The following A1CF variants were observed in gnomAD, a reference collection of about 807,000 sequenced individuals.
The protein encoded by A1CF is APOBEC-1 stimulating protein.
A1CF carries 48 observed loss-of-function variants against 68.9 expected under a neutral mutation model. That is an observed-to-expected ratio of 0.70 (90% confidence interval 0.55 to 0.89). A1CF has a LOEUF of 0.89. Ranked by LOEUF, A1CF falls within the 40% of genes least tolerant of loss-of-function variation. A1CF has a pLI of 0.00. For synonymous variants in A1CF, 272 were observed against 260.4 expected, an observed-to-expected ratio of 1.04 and a Z score of -0.43; for missense variants, 653 against 718.9, an observed-to-expected ratio of 0.91 and a Z score of 1.05.
chr10:50,848,446 T>G (rs1840095100), intron 3 of A1CF, among the ~76,000 whole-genome samples: 1 of 152,220 alleles, frequency 6.6e-6, no homozygotes, highest in Admixed American at 6.5e-5. Flanking sequence ...TCATAAATCC[T>G]CATGTTGTGT....
chr10:50,859,103 G>A (rs1248913782), intron 3 of A1CF, among the ~76,000 whole-genome samples: 2 of 152,268 alleles, frequency 1.3e-5, no homozygotes, highest in Middle Eastern at 6.8e-3. Context: ...AAGTATGTGA[G>A]TGAAAGAAAA....
intron 6 of A1CF, among the ~76,000 whole-genome samples, chr10:50,830,026 C>T (rs1839164350): frequency 1.3e-5 from 2 of 152,110 alleles, no homozygotes; most frequent in Non-Finnish European, 2.9e-5. Context: ...TATGCATCAC[C>T]TCAATACTTT....
intron 3 of A1CF, among the ~76,000 whole-genome samples, chr10:50,845,882 A>T (rs1839975975): frequency 6.6e-6 from 1 of 151,984 alleles, no homozygotes; most frequent in Non-Finnish European, 1.5e-5. Flanking sequence ...TGAACCCAGG[A>T]AGTAGAGGTT....
intron 2 of A1CF, among the ~76,000 whole-genome samples, chr10:50,863,181 A>G (rs926647531): frequency 6.6e-6 from 1 of 152,192 alleles, no homozygotes; most frequent in African/African-American, 2.4e-5. Flanking sequence ...AAAATTCAAA[A>G]TTTGTCATGA....
chr10:50,836,175 A>G lies in A1CF; in HGVS notation c.503T>C (p.Val168Ala), dbSNP rs763376487. ...KVTEGVVDVIVYPSAADKTKN... is the reference protein window; with the variant it reads ...KVTEGVVDVIAYPSAADKTKN... ...GGTTTTATCTGCAGCGCTTGGGTAGACGATGACATCGACAACACCTTCAGT... is the reference window on the plus strand; with the variant it reads ...GGTTTTATCTGCAGCGCTTGGGTAGGCGATGACATCGACAACACCTTCAGT... The change falls in exon 6 of 13, where the codon GTC (valine) becomes GCC (alanine). Residue 168 changes from valine to alanine, a missense_variant. Coordinates refer to ENST00000373997, the MANE Select transcript of A1CF (RefSeq NM_014576.4). 4 of 1,613,898 alleles carry G rather than the reference A, an allele frequency of 2.5e-6. No individual in the cohort carries two copies. In the African/African-American group the frequency reaches 5.3e-5, roughly 22 times the overall value.
chr10:50,828,447 A>C, intron 6 of A1CF, 152 bp from the exon 7 acceptor site: 1 of 509,158 alleles, frequency 2.0e-6, no homozygotes, highest in Non-Finnish European at 3.3e-6. Context: ...ATCTTAAGAG[A>C]CATTCCAAGT....
intron 3 of A1CF, chr10:50,850,628 G>A (rs749559588): frequency 6.2e-7 from 1 of 1,613,406 alleles, no homozygotes; most frequent in South Asian, 1.1e-5. Context: ...AAGAGAACGA[G>A]TAAAATGCCA....
intron 5 of A1CF, among the ~76,000 whole-genome samples, chr10:50,836,529 G>A (rs1440057931): frequency 6.6e-6 from 1 of 152,110 alleles, no homozygotes; most frequent in East Asian, 1.9e-4. Context: ...AAGCTGAGTA[G>A]CATCTGCTTT....
chr10:50,835,505 G>A (rs1024311835), intron 6 of A1CF, among the ~76,000 whole-genome samples: 1 of 152,138 alleles, frequency 6.6e-6, no homozygotes, highest in Non-Finnish European at 1.5e-5. Flanking sequence ...CAGTGTTGGG[G>A]TGGATAGAGA....
chr10:50,809,013 A>G (rs1362272573), intron 12 of A1CF, among the ~76,000 whole-genome samples: 1 of 144,374 alleles, frequency 6.9e-6, no homozygotes, highest in Non-Finnish European at 1.5e-5. Context: ...ATCTTTTACT[A>G]AAAAAAAAAA....
rs966952813 is a variant in A1CF, at chr10:50,799,495, C to G, written c.*7234G>C. 2.6e-5 allele frequency: 4 copies of G among 152,118 alleles called. No homozygotes were observed. Among genetic ancestry groups the G allele is most frequent in the African/African-American group, 9.7e-5 (4 of 41,434 alleles). 9.4% of individuals were successfully genotyped at this position (152,118 alleles called of 1,614,324 possible). ...CAGGAATTATACAATATTGCATTGT[C>G]TCTCATTTCATGTGATTTATGATTC... On this transcript the variant is annotated 3_prime_UTR_variant, in exon 13 of 13. Coordinates refer to ENST00000373997, the MANE Select transcript of A1CF (RefSeq NM_014576.4).
At chr10:50,863,149 T>C (rs570019899) in intron 2 of A1CF, among the ~76,000 whole-genome samples, 1 of 152,204 alleles carries the variant, frequency 6.6e-6, no homozygotes, top group Non-Finnish European at 1.5e-5. Flanking sequence ...TGTCAAGTCA[T>C]TGGGAATCAG....
chr10:50,815,821 A>G (rs1349552358), intron 9 of A1CF, among the ~76,000 whole-genome samples, 185 bp downstream of exon 9: 1 of 152,236 alleles, frequency 6.6e-6, no homozygotes, highest in East Asian at 1.9e-4. Context: ...CGTTTTTTCA[A>G]TAACCAGTTG....
chr10:50,865,695 C>T (rs560858684), intron 1 of A1CF, among the ~76,000 whole-genome samples: 2 of 152,250 alleles, frequency 1.3e-5, no homozygotes, highest in South Asian at 4.1e-4. Flanking sequence ...CTTCCCATGC[C>T]TCCTAACTTT....
At chr10:50,826,849 A>G (rs1239703977) in intron 7 of A1CF, among the ~76,000 whole-genome samples, 1 of 151,810 alleles carries the variant, frequency 6.6e-6, no homozygotes, top group Non-Finnish European at 1.5e-5. Context: ...AATTGGATAA[A>G]GAGTCAAGAC....
chr10:50,850,577 G>T, intron 3 of A1CF: 2 of 1,524,696 alleles, frequency 1.3e-6, no homozygotes, highest in Non-Finnish European at 1.8e-6. Context: ...TTCAAAATTA[G>T]AAAACAAAAA....
At chr10:50,871,468 A>G (rs370385380) in intron 1 of A1CF, among the ~76,000 whole-genome samples, 2 of 152,154 alleles carry the variant, frequency 1.3e-5, no homozygotes, top group East Asian at 1.9e-4. Flanking sequence ...TTAAAGTCCA[A>G]TGAAATTATT....
intron 3 of A1CF, chr10:50,850,937 G>A (rs1251905743): frequency 1.0e-6 from 1 of 992,032 alleles, no homozygotes; most frequent in African/African-American, 1.6e-5. Context: ...TTGCCTTTTT[G>A]AATTAACTAT....
intron 4 of A1CF, among the ~76,000 whole-genome samples, chr10:50,842,774 G>A (rs1839839105): frequency 6.6e-6 from 1 of 152,144 alleles, no homozygotes; most frequent in South Asian, 2.1e-4. Context: ...TTTTTCCTCA[G>A]CCATGACATC....
Sources: allele counts gnomAD v4.1 joint callset (sites outside exome capture counted in the v4.1 genomes callset), GRCh38; gene constraint gnomAD v4.1.1; transcripts MANE v1.5; gene names NCBI Gene and HGNC (gene_info 2026-07-23, HGNC 2026-07-21).